The following UTY variants were observed in gnomAD, a reference collection of about 807,000 sequenced individuals.
The protein encoded by UTY is ubiquitously transcribed tetratricopeptide repeat containing, Y-linked, also known as histone demethylase UTY.
Under a neutral mutation model 32.5 loss-of-function variants are expected in UTY, and 12 were observed. The ratio of observed to expected loss-of-function variants is 0.37; its 90% CI spans 0.24 to 0.60. The LOEUF (loss-of-function observed/expected upper bound fraction) is 0.60. Ranked by LOEUF, UTY falls within the 20% of genes least tolerant of loss-of-function variation. UTY has a pLI of 0.69. For synonymous variants in UTY, 131 were observed against 103.4 expected, an observed-to-expected ratio of 1.27 and a Z score of -1.62; for missense variants, 303 against 299.2, an observed-to-expected ratio of 1.01 and a Z score of -0.09.
intron 21 of UTY, among the ~76,000 whole-genome samples, chrY:13,321,456 T>TA (rs2059829632): frequency 3.0e-5 from 1 of 33,351 alleles, no homozygotes; most frequent in Non-Finnish European, 7.4e-5. Flanking sequence ...ATCACTATGC[T>TA]AAAGGGAAAG....
chrY:13,359,864 T>C lies in UTY; in HGVS notation c.1088A>G (p.Asn363Ser), dbSNP rs771881103. ...MDLGTLYESC[N>S]QPQDAIKCYL... Reference sequence around the variant, plus strand: ...GCATTTAATGGCATCTTGAGGTTGATTGCAGGATTCATAGAGAGTACCTAG... The same window carrying C: ...GCATTTAATGGCATCTTGAGGTTGACTGCAGGATTCATAGAGAGTACCTAG... Residue 363 changes from asparagine to serine, a missense_variant, in exon 12 of 30, where the codon AAT becomes AGT. By Grantham distance (46) the Asn-to-Ser change is conservative (BLOSUM62 1). Coordinates refer to ENST00000545955, the MANE Select transcript of UTY (RefSeq NM_001258249.2). 4.3e-5 allele frequency: 17 copies of C among 398,452 alleles called. No individual in the cohort carries two copies. The highest frequency in any genetic ancestry group is 9.2e-5 in the East Asian group (1 of 10,865).
intron 3 of UTY, among the ~76,000 whole-genome samples, chrY:13,469,423 G>A (rs375957462): frequency 0.049 from 1,570 of 31,841 alleles, no homozygotes; most frequent in Middle Eastern, 0.38. Context: ...TGGCCAGGAT[G>A]GTCTTGAACT....
At chrY:13,258,493 T>C in intron 28 of UTY, among the ~76,000 whole-genome samples, 1 of 33,993 alleles carries the variant, frequency 2.9e-5, no homozygotes, top group Non-Finnish European at 7.3e-5. Flanking sequence ...AAACTATTAA[T>C]AGCTCTTAAT....
chrY:13,249,613 T>C lies in UTY; in HGVS notation c.*243A>G. 1.6e-5 allele frequency: 1 copy of C among 61,181 alleles called. No homozygotes were observed. The highest frequency in any genetic ancestry group is 3.3e-5 in the Non-Finnish European group (1 of 29,922). The allele number at this position is 61,181 out of a possible 400,897, so 15.3% of individuals were successfully genotyped here. On this transcript the variant is annotated 3_prime_UTR_variant, in exon 30 of 30. Transcript: ENST00000545955. ...CTTCAAATCAGTATTCTGTGTCACTTTGACAGTTTGTCATACGTACACAAA... is the reference window on the plus strand; with the variant it reads ...CTTCAAATCAGTATTCTGTGTCACTCTGACAGTTTGTCATACGTACACAAA...
intron 4 of UTY, among the ~76,000 whole-genome samples, chrY:13,434,408 C>T (rs2074335897): frequency 3.0e-5 from 1 of 33,412 alleles, no homozygotes; most frequent in African/African-American, 1.2e-4. Context: ...ATCATGTTGG[C>T]CAGGCTGGTC....
chrY:13,473,834 T>C, intron 2 of UTY, among the ~76,000 whole-genome samples: 1 of 33,565 alleles, frequency 3.0e-5, no homozygotes, highest in Non-Finnish European at 7.4e-5. Context: ...AATGAATAAA[T>C]CTGGTATCTA....
At chrY:13,403,100 T>G (rs2069319694) in intron 6 of UTY, among the ~76,000 whole-genome samples, 1 of 32,798 alleles carries the variant, frequency 3.0e-5, no homozygotes, top group East Asian at 7.9e-4. Context: ...TCCTCAAACT[T>G]GAGGAATACA....
chrY:13,479,203 C>T (rs371496556), intron 2 of UTY, 51 bp downstream of exon 2: 13 of 361,961 alleles, frequency 3.6e-5, no homozygotes, highest in African/African-American at 6.8e-5. Flanking sequence ...GAACGCGGGG[C>T]CTTGGTAGAG....
intron 21 of UTY, among the ~76,000 whole-genome samples, chrY:13,316,105 C>T (rs2059467407): frequency 6.1e-5 from 2 of 33,018 alleles, no homozygotes; most frequent in African/African-American, 1.2e-4. Context: ...TTTTGGGGTT[C>T]ATACTGAGGT....
intron 7 of UTY, among the ~76,000 whole-genome samples, chrY:13,395,022 T>C: frequency 3.0e-5 from 1 of 33,153 alleles, no homozygotes; most frequent in African/African-American, 1.2e-4. Context: ...GAAAAATTAC[T>C]CCAAAATTTT....
chrY:13,432,685 T>C (rs761017141), intron 4 of UTY, among the ~76,000 whole-genome samples: 1 of 33,608 alleles, frequency 3.0e-5, no homozygotes, highest in South Asian at 6.7e-4. Context: ...GAATTGCCAA[T>C]ACAGATGCTG....
rs755392188 is a variant in UTY at position 13,287,091 on chromosome Y, T to C, written c.4010+10616A>G. The stretch of plus-strand genomic sequence containing the variant: ...AGATGAAGAGCAAGGCCCTCAGGTA[T>C]GTAAGTGTGATCCTGCAGGTTACTA... On this transcript the variant is annotated intron_variant, in intron 27 of 29. Transcript: ENST00000545955. The C allele has an allele frequency of 7.8e-5, 27 of 347,854 alleles. No homozygotes were observed. The East Asian group carries it at 2.5e-3, about 32-fold the overall frequency. The allele number at this position is 347,854 out of a possible 400,897, so 86.8% of individuals were successfully genotyped here. A position where few individuals can be genotyped will look rare whatever the true frequency, so the allele number is the denominator to read the frequency against.
chrY:13,385,893 A>G, intron 8 of UTY, among the ~76,000 whole-genome samples: 1 of 31,507 alleles, frequency 3.2e-5, no homozygotes, highest in African/African-American at 1.3e-4. Context: ...AGCTCTCCAG[A>G]ATAGATTTTT....
At chrY:13,340,282 C>T (rs2061401592) in intron 17 of UTY, among the ~76,000 whole-genome samples, 1 of 32,568 alleles carries the variant, frequency 3.1e-5, no homozygotes, top group South Asian at 7.0e-4. Flanking sequence ...AGGAAGAGAC[C>T]GCAAGGCATC....
intron 27 of UTY, among the ~76,000 whole-genome samples, chrY:13,266,035 T>C (rs2055754618): frequency 3.0e-5 from 1 of 33,287 alleles, no homozygotes; most frequent in Admixed American, 2.7e-4. Context: ...ATTACGTTTA[T>C]TGATTTGTGT....
intron 27 of UTY, among the ~76,000 whole-genome samples, chrY:13,266,343 T>C (rs2055789579): frequency 3.0e-5 from 1 of 33,451 alleles, no homozygotes; most frequent in Non-Finnish European, 7.4e-5. Context: ...TGCATTTCTA[T>C]GGGATCAGCG....
At chrY:13,431,699 C>T (rs2074042301) in intron 4 of UTY, among the ~76,000 whole-genome samples, 1 of 33,117 alleles carries the variant, frequency 3.0e-5, no homozygotes, top group Non-Finnish European at 7.4e-5. Flanking sequence ...AGATACCAAA[C>T]GGAGAAATTC....
At chrY:13,372,809 G>A in intron 8 of UTY, among the ~76,000 whole-genome samples, 1 of 33,212 alleles carries the variant, frequency 3.0e-5, no homozygotes, top group Non-Finnish European at 7.4e-5. Flanking sequence ...AGCTATACAT[G>A]TGGCCAATAA....
intron 27 of UTY, 133 bp downstream of exon 27, chrY:13,297,574 C>T (rs2058104969): frequency 5.9e-6 from 2 of 338,794 alleles, no homozygotes; most frequent in African/African-American, 1.4e-4. Flanking sequence ...AGATTATTTA[C>T]ATCTTATTAC....
Sources: allele counts gnomAD v4.1 joint callset (sites outside exome capture counted in the v4.1 genomes callset), GRCh38; gene constraint gnomAD v4.1.1; transcripts MANE v1.5; gene names NCBI Gene and HGNC (gene_info 2026-07-23, HGNC 2026-07-21).